The following GPD1L variants were observed in gnomAD, a reference collection of about 807,000 sequenced individuals.
The protein encoded by GPD1L is glycerol-3-phosphate dehydrogenase 1 like.
GPD1L carries 17 observed loss-of-function variants against 32.9 expected under a neutral mutation model. The observed-to-expected ratio is 0.52, with a 90% confidence interval of 0.35 to 0.78. GPD1L has a LOEUF of 0.78. GPD1L is among the 30% of genes least tolerant of loss of function. The pLI is 0.01. For missense variants in GPD1L, 361 were observed against 447.8 expected (o/e 0.81, Z 1.75); for synonymous variants, 187 against 165.9 (o/e 1.13, Z -0.98).
chr3:32,120,677 A>C (rs1700399819), intron 1 of GPD1L, among the ~76,000 whole-genome samples: 1 of 152,228 alleles, frequency 6.6e-6, no homozygotes, highest in Non-Finnish European at 1.5e-5. Flanking sequence ...ATTTACAATG[A>C]GGAAGTCAAG....
At chr3:32,130,523 C>T (rs1360482440) in intron 2 of GPD1L, among the ~76,000 whole-genome samples, 2 of 152,170 alleles carry the variant, frequency 1.3e-5, no homozygotes, top group African/African-American at 2.4e-5. Context: ...CTGCTGCCAA[C>T]GTGACCCTTC....
chr3:32,143,964 A>G (rs533131227), intron 4 of GPD1L, among the ~76,000 whole-genome samples: 1 of 152,320 alleles, frequency 6.6e-6, no homozygotes, highest in South Asian at 2.1e-4. Flanking sequence ...CCTGGGTGAC[A>G]GAGCAAGACC....
intron 4 of GPD1L, 35 bp downstream of exon 4, chr3:32,140,401 G>A: frequency 6.2e-7 from 1 of 1,610,186 alleles, no homozygotes; most frequent in Non-Finnish European, 8.5e-7. Context: ...CAGGAGTCTG[G>A]ACATTTGATG....
chr3:32,142,717 T>C (rs1043246058), intron 4 of GPD1L, among the ~76,000 whole-genome samples: 3 of 152,254 alleles, frequency 2.0e-5, no homozygotes, highest in African/African-American at 7.2e-5. Flanking sequence ...GATCCAATCC[T>C]GGCTAGGACT....
intron 1 of GPD1L, among the ~76,000 whole-genome samples, chr3:32,126,515 T>C (rs575473818): frequency 2.0e-5 from 3 of 152,340 alleles, no homozygotes; most frequent in Non-Finnish European, 4.4e-5. Flanking sequence ...CCACAGCCTT[T>C]ATCTTCCTGT....
intron 1 of GPD1L, among the ~76,000 whole-genome samples, chr3:32,114,168 TGG>T: frequency 6.6e-6 from 1 of 152,350 alleles, no homozygotes. Flanking sequence ...CTGGGACTCT[TGG>T]TCCTAGATGA....
At chr3:32,113,250 TTATC>T (rs35840276) in intron 1 of GPD1L, among the ~76,000 whole-genome samples, 61,459 of 150,974 alleles carry the variant, frequency 0.41, 13,982 homozygotes, top group East Asian at 0.64. Context: ...TGAAAAAATC[TTATC>T]TTTTTTTTTC....
intron 1 of GPD1L, among the ~76,000 whole-genome samples, chr3:32,127,647 A>G (rs888697741): frequency 6.6e-6 from 1 of 152,216 alleles, no homozygotes; most frequent in African/African-American, 2.4e-5. Context: ...TCTGGAATCC[A>G]GTCAGGTTCT....
chr3:32,125,541 G>A (rs1700494257), intron 1 of GPD1L, among the ~76,000 whole-genome samples: 2 of 152,126 alleles, frequency 1.3e-5, no homozygotes, highest in African/African-American at 4.8e-5. Flanking sequence ...TGTCCATTAT[G>A]GTTCTCTTAA....
chr3:32,137,893 C>T (rs895535158), intron 2 of GPD1L, among the ~76,000 whole-genome samples: 1 of 152,050 alleles, frequency 6.6e-6, no homozygotes, highest in Non-Finnish European at 1.5e-5. Context: ...GCCATGGGGT[C>T]GAGGGAATCA....
chr3:32,106,868 A>T lies in GPD1L; in HGVS notation c.47+110A>T. ...GGCGTGGGCACCGGGCACTGCGCGC[A>T]GGGAGGCGGGGTGGGCGACCTCGTT... On this transcript the variant is annotated intron_variant, in intron 1 of 7. Transcript: ENST00000282541. This position sits in a 1 kb window ranked among gnomAD's most constrained non-coding sequence, Gnocchi z 4.0. The T allele has an allele frequency of 9.3e-7, 1 of 1,073,772 alleles. No individual in the cohort carries two copies. Among genetic ancestry groups the T allele is most frequent in the Non-Finnish European group, 1.2e-6 (1 of 805,572 alleles). 66.5% of individuals were successfully genotyped at this position (1,073,772 alleles called of 1,614,324 possible).
intron 1 of GPD1L, among the ~76,000 whole-genome samples, chr3:32,115,977 A>G (rs1197715024): frequency 1.3e-5 from 2 of 151,284 alleles, no homozygotes; most frequent in African/African-American, 4.8e-5. Flanking sequence ...TTTAGTAGAG[A>G]CGGGGTTTCA....
At chr3:32,151,141 C>A in intron 5 of GPD1L, 1 of 539,462 alleles carries the variant, frequency 1.9e-6, no homozygotes, top group Non-Finnish European at 3.6e-6. Flanking sequence ...CCACTGGTTC[C>A]CACAAAGTGC....
intron 7 of GPD1L, among the ~76,000 whole-genome samples, chr3:32,164,480 T>C (rs1701118016): frequency 6.6e-6 from 1 of 152,238 alleles, no homozygotes; most frequent in Non-Finnish European, 1.5e-5. Flanking sequence ...TTGTGGCTGC[T>C]ATTATAAGCT....
At position 32,126,607 on chromosome 3, in the gene GPD1L, G is replaced by A. The variant is rs996660909; in HGVS notation, c.48-1469G>A. Among the ~76,000 whole-genome samples, 6 of 152,242 alleles carry A rather than the reference G, an allele frequency of 3.9e-5. No homozygotes were observed. The South Asian group carries it at 1.2e-3, about 32-fold the overall frequency. ...ATTCCTGGCCTCCCTTCTACAAAGT[G>A]TCAGTAGGAGAATTAGATTAATGGG... On this transcript the variant is annotated intron_variant, in intron 1 of 7. Transcript: ENST00000282541.
Position 32,159,655 on chromosome 3 carries a change from C to A in GPD1L, c.940C>A (p.Gln314Lys). The change falls in exon 7 of 8, where the codon CAG (glutamine) becomes AAG (lysine). Residue 314 changes from glutamine to lysine, a missense_variant. Gln to Lys is a moderately conservative substitution (Grantham distance 53, BLOSUM62 1). Transcript: ENST00000282541. ...TGCTGAAGTGTACCGCATCCTCAAA[C>A]AGAAGGGACTACTGGACAAGTAAGT... ...TSAEVYRILKQKGLLDKFPLF... is the reference protein window; with the variant it reads ...TSAEVYRILKKKGLLDKFPLF... 2 of 1,606,506 alleles carry A rather than the reference C, an allele frequency of 1.2e-6. No individual in the cohort carries two copies. Among genetic ancestry groups the A allele is most frequent in the Non-Finnish European group, 1.7e-6 (2 of 1,173,412 alleles).
rs1701026738 is a variant in GPD1L, at chr3:32,158,590, T to C, written c.619-286T>C. The C allele has an allele frequency of 8.7e-6, 5 of 575,466 alleles. No individual in the cohort carries two copies. The South Asian group carries it at 1.0e-4, about 12-fold the overall frequency. 35.6% of individuals were successfully genotyped at this position (575,466 alleles called of 1,614,324 possible). ...GTAAAGTAGTTTGTCCAAACATTAT[T>C]TAACCAAAGACTACTATCAGCCGTT... On this transcript the variant is annotated intron_variant, in intron 5 of 7. Coordinates refer to ENST00000282541, the MANE Select transcript of GPD1L (RefSeq NM_015141.4).
In GPD1L at chr3:32,127,436, G is replaced by A. The variant is rs149539154; in HGVS notation, c.48-640G>A. Among the ~76,000 whole-genome samples, 754 of 152,336 alleles carry A rather than the reference G, an allele frequency of 4.9e-3. 6 individuals carry two copies. Among genetic ancestry groups the A allele is most frequent in the African/African-American group, 0.017 (725 of 41,570 alleles). ...CACGTGCAGACCTGCACTGCTGTCG[G>A]GAGGACAGATGTTAACAAATCAGGG... On this transcript the variant is annotated intron_variant, in intron 1 of 7. Coordinates refer to ENST00000282541, the MANE Select transcript of GPD1L (RefSeq NM_015141.4).
At chr3:32,120,572 A>C (rs1387378570) in intron 1 of GPD1L, among the ~76,000 whole-genome samples, 1 of 152,178 alleles carries the variant, frequency 6.6e-6, no homozygotes, top group Non-Finnish European at 1.5e-5. Context: ...GACTGACGCT[A>C]TCTGGTGCGA....
Sources: gnomAD v4.1 joint callset for allele counts (sites outside exome capture counted in the v4.1 genomes callset) on GRCh38, gnomAD v4.1.1 for gene constraint, Gnocchi (gnomAD v3.1) non-coding constraint, MANE v1.5 for transcripts, NCBI Gene and HGNC (gene_info 2026-07-23, HGNC 2026-07-21) for gene names.